The following NXPE2 variants were observed in gnomAD, a reference collection of about 807,000 sequenced individuals.
NXPE2 encodes neurexophilin and PC-esterase domain family member 2.
In NXPE2, 34 loss-of-function variants were observed where a neutral mutation model predicts 34.4. That is an observed-to-expected ratio of 0.99 (90% CI 0.75 to 1.31). NXPE2 has a LOEUF of 1.31. Ranked by LOEUF, NXPE2 falls within the 40% of genes most tolerant of loss-of-function variation. The pLI is 0.00. For missense variants in NXPE2, 649 were observed against 672.5 expected (o/e 0.97, Z 0.39); for synonymous variants, 235 against 231.3 (o/e 1.02, Z -0.15).
chr11:114,651,361 C>T, the NXPE2 span, among the ~76,000 whole-genome samples: 9 of 151,892 alleles, frequency 5.9e-5, no homozygotes, highest in African/African-American at 1.9e-4. Context: ...GTTGTTTGTT[C>T]CTCCTGGTGG....
chr11:114,778,373 C>T, the NXPE2 span, among the ~76,000 whole-genome samples: 9 of 152,080 alleles, frequency 5.9e-5, no homozygotes, highest in African/African-American at 1.9e-4. Context: ...CCAAGAATGA[C>T]GAGACAGCAT....
chr11:114,673,292 T>C, the NXPE2 span, among the ~76,000 whole-genome samples: 1 of 151,330 alleles, frequency 6.6e-6, no homozygotes, highest in East Asian at 1.9e-4. Flanking sequence ...AAAATGAAGG[T>C]ATAACAAACC....
chr11:114,491,320 A>G, the NXPE2 span, among the ~76,000 whole-genome samples: 1 of 152,116 alleles, frequency 6.6e-6, no homozygotes. Context: ...TTTACAAGAA[A>G]AAAACAACCC....
the NXPE2 span, among the ~76,000 whole-genome samples, chr11:114,736,529 A>T: frequency 2.9e-3 from 440 of 152,334 alleles, no homozygotes; most frequent in African/African-American, 9.8e-3. Flanking sequence ...TTCCCTGAAC[A>T]TTGCTGTTAT....
chr11:114,629,666 G>A, the NXPE2 span, among the ~76,000 whole-genome samples: 1 of 151,980 alleles, frequency 6.6e-6, no homozygotes, highest in African/African-American at 2.4e-5. Context: ...GGAAGTTCTG[G>A]CCAGGGCAAT....
chr11:114,527,966 C>T, the NXPE2 span: 1 of 1,275,218 alleles, frequency 7.8e-7, no homozygotes, highest in African/African-American at 1.5e-5. Context: ...GGTGAATCAT[C>T]TGCTTGTGAG....
chr11:114,698,584 C>G lies in NXPE2; in HGVS notation c.672C>G (p.Ser224Arg). ...IIFTGLFANRSSNVFTECGLT... is the reference protein window; with the variant it reads ...IIFTGLFANRRSNVFTECGLT... Reference sequence around the variant, plus strand: ...TCACTGGCCTGTTTGCCAACAGAAGCTCCAATGTCTTCACTGAATGTGGCC... The same window carrying G: ...TCACTGGCCTGTTTGCCAACAGAAGGTCCAATGTCTTCACTGAATGTGGCC... Residue 224 changes from serine (S) to arginine (R), a missense_variant, in exon 3 of 6, where the codon AGC becomes AGG. Physicochemically the swap from Ser to Arg is moderately radical, Grantham distance 110. Coordinates refer to ENST00000389586, the MANE Select transcript of NXPE2 (RefSeq NM_182495.6). 6.2e-7 allele frequency: 1 copy of G among 1,614,182 alleles called. No homozygotes were observed.
At chr11:114,602,696 A>G in the NXPE2 span, among the ~76,000 whole-genome samples, 2 of 139,162 alleles carry the variant, frequency 1.4e-5, no homozygotes, top group South Asian at 4.7e-4. Flanking sequence ...ATTATCTCAT[A>G]TATAATAATT....
At chr11:114,480,541 G>C in the NXPE2 span, among the ~76,000 whole-genome samples, 2 of 152,324 alleles carry the variant, frequency 1.3e-5, no homozygotes, top group Admixed American at 1.3e-4. Context: ...GTTGAAAAAT[G>C]GAGAGCAATG....
the NXPE2 span, among the ~76,000 whole-genome samples, chr11:114,763,970 CT>C: frequency 6.6e-6 from 1 of 152,106 alleles, no homozygotes; most frequent in African/African-American, 2.4e-5. Context: ...ATTCATCTTG[CT>C]TTTCATCATC....
At chr11:114,576,089 A>G in the NXPE2 span, among the ~76,000 whole-genome samples, 3 of 152,206 alleles carry the variant, frequency 2.0e-5, no homozygotes, top group Admixed American at 6.5e-5. Flanking sequence ...AAACAAAAAC[A>G]TAAAGTAGGG....
At chr11:114,537,065 CA>C in the NXPE2 span, among the ~76,000 whole-genome samples, 1 of 152,138 alleles carries the variant, frequency 6.6e-6, no homozygotes, top group South Asian at 2.1e-4. Flanking sequence ...AGCAACACAT[CA>C]AAAAGCTTAT....
chr11:114,771,555 G>C, the NXPE2 span, among the ~76,000 whole-genome samples: 309 of 152,126 alleles, frequency 2.0e-3, 2 homozygotes, highest in Admixed American at 4.5e-3. Context: ...AACTGGGAGG[G>C]AGGATCAGCT....
the NXPE2 span, among the ~76,000 whole-genome samples, chr11:114,724,864 T>C: frequency 2.9e-5 from 4 of 139,860 alleles, no homozygotes; most frequent in Non-Finnish European, 3.1e-5. Context: ...TTTTTAACCC[T>C]CCACGTAATA....
the NXPE2 span, among the ~76,000 whole-genome samples, chr11:114,625,844 G>C: frequency 6.6e-6 from 1 of 152,148 alleles, no homozygotes; most frequent in Non-Finnish European, 1.5e-5. Flanking sequence ...GAAGCATGGT[G>C]AGGCATTGCC....
At chr11:114,464,325 C>G in the NXPE2 span, among the ~76,000 whole-genome samples, 1 of 152,020 alleles carries the variant, frequency 6.6e-6, no homozygotes. Flanking sequence ...GTTGCCCAGA[C>G]TGAAAATATT....
chr11:114,613,286 T>C, the NXPE2 span, among the ~76,000 whole-genome samples: 4 of 148,272 alleles, frequency 2.7e-5, no homozygotes, highest in African/African-American at 1.0e-4. Context: ...CCACTGTTAC[T>C]AGGTGGATAA....
At chr11:114,807,114 T>G in the NXPE2 span, among the ~76,000 whole-genome samples, 2 of 150,060 alleles carry the variant, frequency 1.3e-5, no homozygotes, top group African/African-American at 2.5e-5. Context: ...GAGGGAGAAA[T>G]AAAATACTTT....
chr11:114,558,740 A>G, the NXPE2 span, among the ~76,000 whole-genome samples: 1 of 152,212 alleles, frequency 6.6e-6, no homozygotes, highest in Non-Finnish European at 1.5e-5. Context: ...AAGAGTACAA[A>G]TTAACATGAT....
Sources: gnomAD v4.1 joint callset for allele counts (sites outside exome capture counted in the v4.1 genomes callset) on GRCh38, gnomAD v4.1.1 for gene constraint, MANE v1.5 for transcripts, NCBI Gene and HGNC (gene_info 2026-07-23, HGNC 2026-07-21) for gene names.